CHL1: variants seen among roughly 807,000 people sequenced by gnomAD.
CHL1 encodes the protein neural cell adhesion molecule L1-like protein.
A neutral mutation model predicts 141.9 loss-of-function variants in CHL1; 96 were observed. That is an observed-to-expected ratio of 0.68 (90% CI 0.57 to 0.80). CHL1 has a LOEUF of 0.80. Ranked by LOEUF, CHL1 falls within the 30% of genes least tolerant of loss-of-function variation. CHL1 has a pLI of 0.00. For missense variants in CHL1, 1,820 were observed against 1,457.2 expected (o/e 1.25, Z -4.05); for synonymous variants, 613 against 502.2 (o/e 1.22, Z -2.95).
chr3:317,570 G>A (rs745364521), intron 2 of CHL1, among the ~76,000 whole-genome samples: 3 of 150,182 alleles, frequency 2.0e-5, no homozygotes, highest in East Asian at 2.0e-4. Flanking sequence ...TAATGGAACC[G>A]AGTATTAAAT....
rs147932013 is a variant in CHL1 at position 355,728 on chromosome 3, T to C, written c.1165+957T>C. Among the ~76,000 whole-genome samples the C allele has an allele frequency of 2.2e-3, 333 of 152,182 alleles. 5 individuals carry two copies. The East Asian group carries it at 0.033, about 15-fold the overall frequency. ...TGAATCTCCCCAAGCTTACGTTTTT[T>C]AAACTGCAAAATGGAGATAGTGGCG... is the stretch of plus-strand genomic sequence containing the variant. On this transcript the variant is annotated intron_variant, in intron 11 of 27. Transcript: ENST00000256509.
At chr3:256,579 A>G (rs943921842) in intron 2 of CHL1, among the ~76,000 whole-genome samples, 8 of 152,216 alleles carry the variant, frequency 5.3e-5, no homozygotes, top group African/African-American at 1.9e-4. Flanking sequence ...TAGAGGCCAA[A>G]GATGCTGCTA....
Position 406,047 on chromosome 3 carries a change from A to T in CHL1, c.*336A>T, listed in dbSNP as rs796343601. On this transcript the variant is annotated 3_prime_UTR_variant, in exon 28 of 28. Transcript: ENST00000256509. ...TTTACTATTCGGTGTGTTTGCATAG[A>T]TGTTGCTACTTGGTGGGTTTTTCTC... is the stretch of plus-strand genomic sequence containing the variant. 11 of 233,802 alleles carry T rather than the reference A, an allele frequency of 4.7e-5. No homozygotes were observed. The highest frequency in any genetic ancestry group is 1.6e-4 in the African/African-American group (7 of 43,362). The allele number at this position is 233,802 out of a possible 1,614,324, so 14.5% of individuals were successfully genotyped here. A position where few individuals can be genotyped will look rare whatever the true frequency, so the allele number is the denominator to read the frequency against.
At chr3:326,545 G>T (rs1284595786) in intron 4 of CHL1, among the ~76,000 whole-genome samples, 2 of 151,738 alleles carry the variant, frequency 1.3e-5, no homozygotes, top group East Asian at 3.9e-4. Flanking sequence ...TCAGGTGGCA[G>T]AGTACTATTG....
rs190757748 is a variant in CHL1, at chr3:226,649, G to T, written c.-174-17964G>T. 8.9e-3 allele frequency among the ~76,000 whole-genome samples: 1,355 copies of T among 151,962 alleles called. 69 individuals are homozygous for T. The highest frequency in any genetic ancestry group is 0.083 in the Admixed American group (1,259 of 15,250). On this transcript the variant is annotated intron_variant, in intron 1 of 27. Coordinates refer to ENST00000256509, the MANE Select transcript of CHL1 (RefSeq NM_006614.4). ...TTTAGTAGAGACAGGGTTTCACCAT[G>T]TTGGCCAGACTGTTCTTGAACTCCT... is the stretch of plus-strand genomic sequence containing the variant.
chr3:398,808 A>G (rs1228379900), intron 25 of CHL1, among the ~76,000 whole-genome samples: 3 of 152,176 alleles, frequency 2.0e-5, no homozygotes, highest in Non-Finnish European at 2.9e-5. Flanking sequence ...ATCAAACACA[A>G]CTCGAAGAAG....
At chr3:290,252 G>C (rs1411072998) in intron 2 of CHL1, among the ~76,000 whole-genome samples, 1 of 152,152 alleles carries the variant, frequency 6.6e-6, no homozygotes, top group Non-Finnish European at 1.5e-5. Context: ...TGAAGGCAGA[G>C]TTTCACTTTG....
chr3:231,151 G>A (rs1028397855), intron 1 of CHL1, among the ~76,000 whole-genome samples: 11 of 152,106 alleles, frequency 7.2e-5, no homozygotes, highest in African/African-American at 2.7e-4. Flanking sequence ...CAGGAATTTT[G>A]TGCAGTAAAA....
At chr3:223,676 G>A (rs1391083518) in intron 1 of CHL1, among the ~76,000 whole-genome samples, 1 of 152,188 alleles carries the variant, frequency 6.6e-6, no homozygotes, top group Non-Finnish European at 1.5e-5. Flanking sequence ...TATTACAGTA[G>A]AGAAAGAGTT....
Position 365,967 on chromosome 3 carries a change from G to A in CHL1, c.1603G>A (p.Val535Ile). ...LDIRNATKLR[V>I]SPKNPRIPKL... ...AAAAACAGATGCTACAAAACTTAGA[G>A]TTTCTCCTAAGAATCCTCGTATCCC... Residue 535 changes from valine (V) to isoleucine (I), a missense_variant, in exon 15 of 28, where the codon GTT (valine) becomes ATT (isoleucine). By Grantham distance (29) the Val-to-Ile change is conservative. Coordinates refer to ENST00000256509, the MANE Select transcript of CHL1 (RefSeq NM_006614.4). The A allele has an allele frequency of 6.2e-7, 1 of 1,613,042 alleles. No individual in the cohort carries two copies. Among genetic ancestry groups the A allele is most frequent in the Non-Finnish European group, 8.5e-7 (1 of 1,179,362 alleles).
chr3:335,122 G>A (rs1440959482), intron 5 of CHL1, among the ~76,000 whole-genome samples: 2 of 152,162 alleles, frequency 1.3e-5, no homozygotes, highest in African/African-American at 2.4e-5. Context: ...ATTTCCTTAA[G>A]ATAAACCCTG....
chr3:265,145 C>T (rs1236307967), intron 2 of CHL1, among the ~76,000 whole-genome samples: 10 of 152,198 alleles, frequency 6.6e-5, no homozygotes, highest in African/African-American at 1.4e-4. Flanking sequence ...ATTTAATTAA[C>T]GGGTAGCTAA....
chr3:237,243 T>G (rs1233872018), intron 1 of CHL1, among the ~76,000 whole-genome samples: 1 of 152,126 alleles, frequency 6.6e-6, no homozygotes, highest in East Asian at 1.9e-4. Context: ...TCTGATGGTT[T>G]AAAAGTGTGT....
At chr3:345,469 T>C (rs55734512) in intron 9 of CHL1, among the ~76,000 whole-genome samples, 6 of 117,596 alleles carry the variant, frequency 5.1e-5, no homozygotes, top group Non-Finnish European at 1.0e-4. Context: ...TTTATTTAAT[T>C]ATTTATTCAT....
chr3:287,314 G>T (rs1317764724), intron 2 of CHL1, among the ~76,000 whole-genome samples: 1 of 152,118 alleles, frequency 6.6e-6, no homozygotes, highest in African/African-American at 2.4e-5. Flanking sequence ...CTAGACAATA[G>T]CTCTGTGCCA....
chr3:197,855 CCTCT>C (rs745803069), intron 1 of CHL1: 4 of 442,700 alleles, frequency 9.0e-6, no homozygotes, highest in East Asian at 7.1e-5. Flanking sequence ...CCTCTTTGTG[CCTCT>C]CTCTTTCTCT....
chr3:397,905 G>A (rs1281944610), intron 24 of CHL1, among the ~76,000 whole-genome samples: 3 of 152,032 alleles, frequency 2.0e-5, no homozygotes, highest in African/African-American at 7.2e-5. Flanking sequence ...TTCGCATTAG[G>A]TTTGCGAAAA....
At chr3:389,862 T>C (rs1708078235) in intron 20 of CHL1, among the ~76,000 whole-genome samples, 1 of 152,186 alleles carries the variant, frequency 6.6e-6, no homozygotes, top group South Asian at 2.1e-4. Flanking sequence ...TGCCCTGGGC[T>C]TCAGTGGCAT....
intron 5 of CHL1, among the ~76,000 whole-genome samples, chr3:336,352 T>G (rs935704145): frequency 6.6e-6 from 1 of 152,202 alleles, no homozygotes; most frequent in Non-Finnish European, 1.5e-5. Flanking sequence ...GCGGTTAAGA[T>G]GCCAGTGTTT....
Sources: gnomAD v4.1 joint callset for allele counts (sites outside exome capture counted in the v4.1 genomes callset) on GRCh38, gnomAD v4.1.1 for gene constraint, MANE v1.5 for transcripts, NCBI Gene and HGNC (gene_info 2026-07-23, HGNC 2026-07-21) for gene names.